The following GOPC variants were observed in gnomAD, a reference collection of about 807,000 sequenced individuals.
The protein encoded by GOPC is golgi associated PDZ and coiled-coil motif containing.
Under a neutral mutation model 51.2 loss-of-function variants are expected in GOPC, and 32 were observed. That is an observed-to-expected ratio of 0.63 (90% CI 0.47 to 0.84). GOPC has a LOEUF of 0.84. GOPC is among the 40% of genes least tolerant of loss of function. GOPC has a pLI of 0.00. For synonymous variants in GOPC, 190 were observed against 205.1 expected, an observed-to-expected ratio of 0.93 and a Z score of 0.63; for missense variants, 441 against 555.5, an observed-to-expected ratio of 0.79 and a Z score of 2.07.
chr6:117,564,574 A>G (rs1221458319), intron 8 of GOPC, among the ~76,000 whole-genome samples: 2 of 152,342 alleles, frequency 1.3e-5, no homozygotes, highest in Non-Finnish European at 1.5e-5. Flanking sequence ...TAAAGTATAG[A>G]CGTGTGAAAC....
intron 8 of GOPC, among the ~76,000 whole-genome samples, chr6:117,563,865 G>A (rs1779640067): frequency 6.6e-6 from 1 of 151,980 alleles, no homozygotes; most frequent in South Asian, 2.1e-4. Flanking sequence ...CCTAACAGGG[G>A]AATTCTTCCC....
chr6:117,568,696 G>A (rs1779747310), intron 7 of GOPC, among the ~76,000 whole-genome samples: 1 of 152,198 alleles, frequency 6.6e-6, no homozygotes, highest in Non-Finnish European at 1.5e-5. Context: ...CTGTCATGGA[G>A]ACACAGATTT....
Position 117,563,336 on chromosome 6 carries a change from C to T in GOPC, c.1307G>A (p.Gly436Asp). The T allele has an allele frequency of 6.2e-7, 1 of 1,613,042 alleles. No homozygotes were observed. Among genetic ancestry groups the T allele is most frequent in the South Asian group, 1.1e-5 (1 of 91,058 alleles). Residue 436 changes from glycine (G) to aspartate (D), a missense_variant, in exon 9 of 9, where the codon GGC (glycine) becomes GAC (aspartate). Physicochemically the swap from Gly to Asp is moderately conservative, Grantham distance 94. Coordinates refer to ENST00000368498, the MANE Select transcript of GOPC (RefSeq NM_020399.4). ...ATCTAGCGGAGTTTCACTTGCAGTG[C>T]CCAGGTCTCCATTTTCATGTGTGTC... ...VTDTHENGDL[G>D]TASETPLDDG...
chr6:117,588,627 C>CA (rs1449092119), intron 1 of GOPC, among the ~76,000 whole-genome samples: 4 of 151,978 alleles, frequency 2.6e-5, no homozygotes, highest in Non-Finnish European at 5.9e-5. Context: ...TCTTCTAAAA[C>CA]ATTTTTTGGT....
intron 1 of GOPC, among the ~76,000 whole-genome samples, chr6:117,593,737 A>T (rs923874577): frequency 5.3e-5 from 8 of 152,230 alleles, no homozygotes; most frequent in Middle Eastern, 3.2e-3. Flanking sequence ...TGATCAATAA[A>T]GTTGGCAATA....
Position 117,575,327 on chromosome 6 carries a change from T to G in GOPC, c.500A>C (p.Lys167Thr), listed in dbSNP as rs375447401. 26 of 1,610,696 alleles carry G rather than the reference T, an allele frequency of 1.6e-5. No individual in the cohort carries two copies. Among genetic ancestry groups the G allele is most frequent in the African/African-American group, 4.0e-5 (3 of 74,640 alleles). The change falls in exon 4 of 9, where the codon AAA becomes ACA. Residue 167 changes from lysine (K) to threonine (T), a missense_variant. Physicochemically the swap from Lys to Thr is moderately conservative, Grantham distance 78. Transcript: ENST00000368498. Reference protein sequence around the residue: ...ELERELEANKKEKMKEAQLEA... With the variant: ...ELERELEANKTEKMKEAQLEA... ...AAGTTGTGCTTCTTTCATTTTTTCT[T>G]TTTTGTTTGCCTCAAGCTCTCTTTC...
chr6:117,577,357 A>G, intron 3 of GOPC, 91 bp downstream of exon 3: 1 of 1,203,310 alleles, frequency 8.3e-7, no homozygotes, highest in African/African-American at 1.6e-5. Flanking sequence ...CTATTTTCAA[A>G]TACAATGAGT....
At chr6:117,584,201 G>A (rs1026475147) in intron 1 of GOPC, among the ~76,000 whole-genome samples, 4 of 152,152 alleles carry the variant, frequency 2.6e-5, no homozygotes, top group Non-Finnish European at 4.4e-5. Context: ...GTGACCAAAT[G>A]TGGGGGATTT....
chr6:117,587,024 G>C (rs1780042767), intron 1 of GOPC, among the ~76,000 whole-genome samples: 1 of 152,034 alleles, frequency 6.6e-6, no homozygotes. Context: ...TAAAACACAA[G>C]ACTATGACCA....
At chr6:117,587,675 G>A (rs896198134) in intron 1 of GOPC, among the ~76,000 whole-genome samples, 2 of 152,044 alleles carry the variant, frequency 1.3e-5, no homozygotes, top group Non-Finnish European at 2.9e-5. Flanking sequence ...CAGGGGATCT[G>A]AAAGGTCAAA....
chr6:117,586,032 T>TA (rs544313523), intron 1 of GOPC, among the ~76,000 whole-genome samples: 17 of 152,254 alleles, frequency 1.1e-4, no homozygotes, highest in African/African-American at 4.1e-4. Flanking sequence ...CCTTTTGTTT[T>TA]AAAGTTTGTG....
At chr6:117,572,702 T>C (rs1779823200) in intron 5 of GOPC, among the ~76,000 whole-genome samples, 1 of 152,194 alleles carries the variant, frequency 6.6e-6, no homozygotes, top group Non-Finnish European at 1.5e-5. Flanking sequence ...GACCTAGAAG[T>C]TAATGGGAAC....
rs1424090112 is a variant in GOPC, at chr6:117,563,348, T to C, written c.1295A>G (p.Asn432Ser). 2.5e-6 allele frequency: 4 copies of C among 1,613,596 alleles called. No individual in the cohort carries two copies. The highest frequency in any genetic ancestry group is 1.1e-5 in the South Asian group (1 of 91,080). ...NKKAVTDTHE[N>S]GDLGTASETP... ...TTCACTTGCAGTGCCCAGGTCTCCATTTTCATGTGTGTCAGTTACTGCCTT... is the reference window on the plus strand; with the variant it reads ...TTCACTTGCAGTGCCCAGGTCTCCACTTTCATGTGTGTCAGTTACTGCCTT... Residue 432 changes from asparagine to serine, a missense_variant, in exon 9 of 9, where the codon AAT (asparagine) becomes AGT (serine). This residue lies in a region of GOPC where 71 missense variants were observed against 68.8 expected (regional missense o/e 1.03). Transcript: ENST00000368498.
Position 117,560,556 on chromosome 6 carries a change from G to A in GOPC, c.*2698C>T, listed in dbSNP as rs1455880477. 1 of 193,684 alleles carries A rather than the reference G, an allele frequency of 5.2e-6. No individual in the cohort carries two copies. 12.0% of individuals were successfully genotyped at this position (193,684 alleles called of 1,614,324 possible). Reference sequence around the variant, plus strand: ...AACAGCATAAGTCCACTGCAGTGGGGAAAAAAACAGCACCACAGACAAGCT... The same window carrying A: ...AACAGCATAAGTCCACTGCAGTGGGAAAAAAAACAGCACCACAGACAAGCT... On this transcript the variant is annotated 3_prime_UTR_variant, in exon 9 of 9. Transcript: ENST00000368498.
At chr6:117,598,196 T>TG (rs1313176393) in intron 1 of GOPC, among the ~76,000 whole-genome samples, 1 of 126,610 alleles carries the variant, frequency 7.9e-6, no homozygotes, top group Non-Finnish European at 1.7e-5. Context: ...CCATCTCTAC[T>TG]AAAAAAAAAA....
chr6:117,600,219 T>C (rs576913415), intron 1 of GOPC, among the ~76,000 whole-genome samples: 1 of 152,318 alleles, frequency 6.6e-6, no homozygotes, highest in East Asian at 1.9e-4. Context: ...GCAAGGAGGC[T>C]GAGCATGCTA....
intron 1 of GOPC, among the ~76,000 whole-genome samples, chr6:117,579,348 G>C (rs1779926695): frequency 6.6e-6 from 1 of 151,974 alleles, no homozygotes; most frequent in African/African-American, 2.4e-5. Flanking sequence ...CCTTTTTACT[G>C]TTTCACCTTT....
chr6:117,584,136 C>T (rs537610023), intron 1 of GOPC, among the ~76,000 whole-genome samples: 3 of 152,306 alleles, frequency 2.0e-5, no homozygotes, highest in African/African-American at 7.2e-5. Flanking sequence ...ACAACCACAA[C>T]CTCAAAGTGT....
Position 117,571,425 on chromosome 6 carries a change from T to A in GOPC, c.817-470A>T, listed in dbSNP as rs1258134633. ...TCTTAAATAAAGGGCCTTGATCCAC[T>A]AATAATCTTTTCTCTGGTACCCTTA... On this transcript the variant is annotated intron_variant, in intron 5 of 8. Transcript: ENST00000368498. Among the ~76,000 whole-genome samples the A allele has an allele frequency of 5.3e-5, 8 of 152,280 alleles. No homozygotes were observed. In the East Asian group the frequency reaches 1.5e-3, roughly 29 times the overall value.
Sources: gnomAD v4.1 joint callset for allele counts (sites outside exome capture counted in the v4.1 genomes callset) on GRCh38, gnomAD v4.1.1 for gene constraint, gnomAD v4.1.1 regional missense constraint, MANE v1.5 for transcripts, NCBI Gene and HGNC (gene_info 2026-07-23, HGNC 2026-07-21) for gene names.